The following CSF2RA variants were observed in gnomAD, a reference collection of about 807,000 sequenced individuals.
CSF2RA encodes colony stimulating factor 2 receptor subunit alpha, also known as granulocyte-macrophage colony-stimulating factor receptor subunit alpha.
In CSF2RA, 42 loss-of-function variants were observed where a neutral mutation model predicts 51.6. The ratio of observed to expected loss-of-function variants is 0.81; its 90% confidence interval spans 0.64 to 1.05. The LOEUF is 1.05. Ranked by LOEUF, CSF2RA falls within the 50% of genes least tolerant of loss-of-function variation. The pLI is 0.00. For missense variants in CSF2RA, 530 were observed against 501.1 expected (o/e 1.06, Z -0.55); for synonymous variants, 222 against 193.0 (o/e 1.15, Z -1.24).
intron 1 of CSF2RA, among the ~76,000 whole-genome samples, chrX:1,272,649 A>G (rs2088592253): frequency 6.7e-6 from 1 of 148,304 alleles, no homozygotes; most frequent in Admixed American, 6.8e-5. Context: ...CACTACGCCC[A>G]GCTAATTTTC....
At chrX:1,289,073 T>G in intron 6 of CSF2RA, 185 bp downstream of exon 6, 1 of 715,052 alleles carries the variant, frequency 1.4e-6, no homozygotes, top group South Asian at 1.8e-5. Context: ...GCAATTTTCC[T>G]GCCTCAGCTT....
At chrX:1,280,471 C>CAAAAAA (rs750353851) in intron 2 of CSF2RA, among the ~76,000 whole-genome samples, 1 of 129,436 alleles carries the variant, frequency 7.7e-6, no homozygotes, top group Non-Finnish European at 1.7e-5. Flanking sequence ...AACTCCGTCT[C>CAAAAAA]AAAAAAAAAA....
intron 9 of CSF2RA, among the ~76,000 whole-genome samples, chrX:1,297,682 CGACCCCTACAGTCTCCTACTCAT>C: frequency 2.0e-5 from 1 of 49,888 alleles, no homozygotes; most frequent in Non-Finnish European, 4.1e-5. Context: ...CCCCTACTCA[CGACCCCTACAGTCTCCTACTCAT>C]GACCCCTGGA....
chrX:1,319,785 G>C, the CSF2RA span, among the ~76,000 whole-genome samples: 4 of 148,098 alleles, frequency 2.7e-5, no homozygotes, highest in Non-Finnish European at 6.0e-5. Context: ...CAAAATCTTG[G>C]CTCATTGCAA....
intron 1 of CSF2RA, among the ~76,000 whole-genome samples, chrX:1,272,817 C>CT (rs1395638356): frequency 1.2e-5 from 1 of 86,400 alleles, no homozygotes; most frequent in Non-Finnish European, 2.4e-5. Flanking sequence ...TTTTTTCTTT[C>CT]TTTTTTTCTT....
intron 12 of CSF2RA, chrX:1,306,009 G>C (rs2083527009): frequency 3.8e-6 from 2 of 525,956 alleles, no homozygotes; most frequent in Admixed American, 3.2e-5. Flanking sequence ...TTGAACCCAG[G>C]GGGCGGAGGT....
Position 1,288,848 on chromosome X carries a change from C to A in CSF2RA, c.433C>A (p.Pro145Thr), listed in dbSNP as rs1231638017. The A allele has an allele frequency of 1.9e-6, 3 of 1,613,850 alleles. No homozygotes were observed. Among genetic ancestry groups the A allele is most frequent in the African/African-American group, 2.7e-5 (2 of 74,906 alleles). ...TACCTGGGCGAGGGGTCCGACGGCC[C>A]CCCGTGACGTCCAGTATTTTTTGTA... is the stretch of plus-strand genomic sequence containing the variant. Reference protein sequence around the residue: ...NCTWARGPTAPRDVQYFLYIR... With the variant: ...NCTWARGPTATRDVQYFLYIR... Residue 145 changes from proline to threonine, a missense_variant, in exon 6 of 13, where the codon CCC becomes ACC. Pro to Thr is a conservative substitution (Grantham distance 38). Transcript: ENST00000381529.
chrX:1,313,978 G>A (rs1185451875), downstream of CSF2RA, among the ~76,000 whole-genome samples: 3 of 152,006 alleles, frequency 2.0e-5, no homozygotes, highest in Non-Finnish European at 2.9e-5. Flanking sequence ...GTGACAGGGC[G>A]AGATTCTGTC....
downstream of CSF2RA, among the ~76,000 whole-genome samples, chrX:1,314,393 C>G (rs1389763707): frequency 6.7e-6 from 1 of 149,850 alleles, no homozygotes; most frequent in African/African-American, 2.5e-5. Context: ...GCCTGCCCAA[C>G]CACACTGCAC....
At chrX:1,320,524 G>A in the CSF2RA span, among the ~76,000 whole-genome samples, 5 of 146,920 alleles carry the variant, frequency 3.4e-5, no homozygotes, top group Non-Finnish European at 3.0e-5. Context: ...CCGAGACGGA[G>A]TGTTACTCTG....
rs2087949388 is a variant in CSF2RA at position 1,268,858 on chromosome X, A to G, written c.-112A>G. The G allele has an allele frequency of 2.2e-6, 1 of 454,060 alleles. No individual in the cohort carries two copies. The highest frequency in any genetic ancestry group is 4.4e-6 in the Non-Finnish European group (1 of 226,758). 28.1% of individuals were successfully genotyped at this position (454,060 alleles called of 1,614,324 possible). On this transcript the variant is annotated 5_prime_UTR_variant, in exon 1 of 13. Transcript: ENST00000381529. The stretch of plus-strand genomic sequence containing the variant: ...CGAGAGAAGAAAAGCAGGTGGAAGG[A>G]GAGGAAGCGGATGCCGTGGGGGTAA...
intron 1 of CSF2RA, among the ~76,000 whole-genome samples, chrX:1,269,653 A>G (rs2088109824): frequency 2.6e-5 from 1 of 38,174 alleles, no homozygotes; most frequent in Non-Finnish European, 7.3e-5. Context: ...AAAAGAGATG[A>G]AAAGAGATGA....
At chrX:1,306,734 AAGAC>A in intron 12 of CSF2RA, among the ~76,000 whole-genome samples, 2 of 151,482 alleles carry the variant, frequency 1.3e-5, no homozygotes. Context: ...GAGAGAGACA[AAGAC>A]AGAGAGACAC....
intron 2 of CSF2RA, chrX:1,281,808 T>G (rs1747648035): frequency 6.6e-6 from 1 of 151,256 alleles, no homozygotes; most frequent in Non-Finnish European, 1.5e-5. Flanking sequence ...TCATGTCGTT[T>G]TATGTACTCA....
At chrX:1,286,725 C>T (rs1420474759) in intron 4 of CSF2RA, among the ~76,000 whole-genome samples, 3 of 152,172 alleles carry the variant, frequency 2.0e-5, no homozygotes, top group Non-Finnish European at 4.4e-5. Context: ...GTACCAGAGC[C>T]TGATTCCCTG....
chrX:1,319,560 C>T, the CSF2RA span, among the ~76,000 whole-genome samples: 36,322 of 148,272 alleles, frequency 0.24, 5,626 homozygotes, highest in Admixed American at 0.29. Flanking sequence ...AGTGATGGGT[C>T]TACAGGCATG....
rs141170796 is a variant in CSF2RA at position 1,285,817 on chromosome X, G to A, written c.116G>A (p.Arg39Lys). ...TVAPASSLNV[R>K]FDSRTMNLSW... ...GCACCAGCCTCTAGTCTCAATGTGA[G>A]GTTTGACTCCAGGACGATGAATTTA... Residue 39 changes from arginine (R) to lysine (K), a missense_variant, in exon 4 of 13, where the codon AGG becomes AAG. Physicochemically the swap from Arg to Lys is conservative, Grantham distance 26. Coordinates refer to ENST00000381529, the MANE Select transcript of CSF2RA (RefSeq NM_172245.4). 1 of 1,613,506 alleles carries A rather than the reference G, an allele frequency of 6.2e-7. No individual in the cohort carries two copies. Among genetic ancestry groups the A allele is most frequent in the African/African-American group, 1.3e-5 (1 of 74,790 alleles).
intron 7 of CSF2RA, among the ~76,000 whole-genome samples, chrX:1,292,817 G>A (rs1389125770): frequency 6.6e-6 from 1 of 152,108 alleles, no homozygotes; most frequent in Non-Finnish European, 1.5e-5. Context: ...AACCGCGAGA[G>A]GACTTCCTCC....
rs376274432 is a variant in CSF2RA, at chrX:1,278,548, G to A, written c.-27+3730G>A. On this transcript the variant is annotated intron_variant, in intron 2 of 12. Coordinates refer to ENST00000381529, the MANE Select transcript of CSF2RA (RefSeq NM_172245.4). ...CTAAAAATACAAAAATTAGCCAGGC[G>A]TGTTGGTGCGTGCCTGTAGTCCCAG... 3.1e-3 allele frequency among the ~76,000 whole-genome samples: 402 copies of A among 128,804 alleles called. 2 individuals carry two copies. Among genetic ancestry groups the A allele is most frequent in the African/African-American group, 9.6e-3 (323 of 33,744 alleles). The allele number at this position is 128,804 out of a possible 152,430, so 84.5% of individuals were successfully genotyped here.
Sources: allele counts gnomAD v4.1 joint callset (sites outside exome capture counted in the v4.1 genomes callset), GRCh38; gene constraint gnomAD v4.1.1; transcripts MANE v1.5; gene names NCBI Gene and HGNC (gene_info 2026-07-23, HGNC 2026-07-21).